PPARGC1A: variants seen among roughly 807,000 people sequenced by gnomAD.
The protein encoded by PPARGC1A is PPARG coactivator 1 alpha.
Under a neutral mutation model 88.7 loss-of-function variants are expected in PPARGC1A, and 25 were observed. The ratio of observed to expected loss-of-function variants is 0.28; its 90% CI spans 0.21 to 0.39. The LOEUF (loss-of-function observed/expected upper bound fraction) is 0.39, where lower values mean the gene tolerates loss of function less well. Ranked by LOEUF, PPARGC1A falls within the 10% of genes least tolerant of loss-of-function variation. The pLI is 1.00. For missense variants in PPARGC1A, 880 were observed against 968.7 expected (o/e 0.91, Z 1.22); for synonymous variants, 363 against 355.6 (o/e 1.02, Z -0.24).
At chr4:24,405,287 T>C in the PPARGC1A span, among the ~76,000 whole-genome samples, 3 of 152,148 alleles carry the variant, frequency 2.0e-5, no homozygotes, top group Non-Finnish European at 4.4e-5. Context: ...AAGGTGGTTT[T>C]TTTTTTCAAG....
the PPARGC1A span, among the ~76,000 whole-genome samples, chr4:24,440,942 A>G: frequency 6.6e-6 from 1 of 152,244 alleles, no homozygotes; most frequent in Non-Finnish European, 1.5e-5. Context: ...CTCATCACTG[A>G]TGCAGCATGT....
chr4:23,796,034 A>C, intron 12 of PPARGC1A, 109 bp from the exon 13 acceptor site: 1 of 766,864 alleles, frequency 1.3e-6, no homozygotes, highest in Non-Finnish European at 2.2e-6. Flanking sequence ...CAATCAATAT[A>C]CTTTAGAAAA....
chr4:24,229,940 A>C, the PPARGC1A span, among the ~76,000 whole-genome samples: 3 of 152,276 alleles, frequency 2.0e-5, no homozygotes, highest in South Asian at 6.2e-4. Flanking sequence ...TATAAGGGAC[A>C]ACATGGTCGC....
the PPARGC1A span, among the ~76,000 whole-genome samples, chr4:24,127,168 T>G: frequency 6.6e-6 from 1 of 152,170 alleles, no homozygotes; most frequent in Non-Finnish European, 1.5e-5. Flanking sequence ...TTTATCAACC[T>G]ACTTGGTTTT....
the PPARGC1A span, among the ~76,000 whole-genome samples, chr4:24,124,366 T>G: frequency 6.6e-6 from 1 of 152,214 alleles, no homozygotes; most frequent in Non-Finnish European, 1.5e-5. Context: ...AAATACCTAC[T>G]TGCCAGTTAT....
chr4:24,101,535 C>G, the PPARGC1A span, among the ~76,000 whole-genome samples: 8,810 of 152,254 alleles, frequency 0.058, 741 homozygotes, highest in African/African-American at 0.18. Context: ...AATTACCCTG[C>G]TTTTATCTTT....
the PPARGC1A span, among the ~76,000 whole-genome samples, chr4:24,357,117 G>A: frequency 8.5e-5 from 13 of 152,200 alleles, no homozygotes; most frequent in South Asian, 8.3e-4. Flanking sequence ...CAGCCTGAGC[G>A]TTCAGGTGCC....
chr4:23,824,689 G>A lies in PPARGC1A; in HGVS notation c.758-181C>T, dbSNP rs574545498. Among the ~76,000 whole-genome samples, 8 of 152,122 alleles carry A rather than the reference G, an allele frequency of 5.3e-5. 1 individual carries two copies. In the South Asian group the frequency reaches 1.4e-3, roughly 28 times the overall value. On this transcript the variant is annotated intron_variant, in intron 5 of 12. Transcript: ENST00000264867. ...TATGCTAAAACAAATTCCAAACAGC[G>A]TTTGCATCAGTAAACTACCATTCGA...
chr4:23,912,449 C>T, the PPARGC1A span, among the ~76,000 whole-genome samples: 5 of 152,120 alleles, frequency 3.3e-5, no homozygotes, highest in East Asian at 1.9e-4. Flanking sequence ...CAATTTGGCT[C>T]GGCTATGGTG....
chr4:24,161,600 C>G, the PPARGC1A span, among the ~76,000 whole-genome samples: 31,645 of 152,054 alleles, frequency 0.21, 5,712 homozygotes, highest in African/African-American at 0.49. Context: ...GGGAATGGAG[C>G]CTGGGCCGGC....
At chr4:24,084,060 ATCAGTGGGTAACCAG>A in the PPARGC1A span, among the ~76,000 whole-genome samples, 1 of 152,206 alleles carries the variant, frequency 6.6e-6, no homozygotes, top group African/African-American at 2.4e-5. Flanking sequence ...CACACAGCTG[ATCAGTGGGTAACCAG>A]CCTGGTTGTT....
the PPARGC1A span, among the ~76,000 whole-genome samples, chr4:24,086,045 T>C: frequency 6.6e-6 from 1 of 152,160 alleles, no homozygotes; most frequent in African/African-American, 2.4e-5. Flanking sequence ...GTTCCTGAAA[T>C]TACTGTCATT....
chr4:23,817,495 C>T (rs1445048768), intron 7 of PPARGC1A, among the ~76,000 whole-genome samples: 1 of 152,086 alleles, frequency 6.6e-6, no homozygotes, highest in Admixed American at 6.6e-5. Context: ...TAGAAAAGCG[C>T]TTCTTTAAAA....
chr4:23,963,772 G>C, the PPARGC1A span, among the ~76,000 whole-genome samples: 2 of 152,202 alleles, frequency 1.3e-5, no homozygotes, highest in Non-Finnish European at 2.9e-5. Context: ...TTTCCTGGTT[G>C]TCCTGCAGTA....
intron 1 of PPARGC1A, among the ~76,000 whole-genome samples, chr4:23,897,497 A>C (rs1718734305): frequency 6.6e-6 from 1 of 152,228 alleles, no homozygotes; most frequent in South Asian, 2.1e-4. Flanking sequence ...AATTAAATCA[A>C]AGATCTCTGC....
At chr4:23,994,969 C>T in the PPARGC1A span, among the ~76,000 whole-genome samples, 30 of 152,260 alleles carry the variant, frequency 2.0e-4, no homozygotes, top group African/African-American at 6.5e-4. Flanking sequence ...GCAAAAGGAA[C>T]ACATTTACGA....
the PPARGC1A span, among the ~76,000 whole-genome samples, chr4:24,184,272 G>C: frequency 1.3e-5 from 2 of 152,118 alleles, no homozygotes; most frequent in Middle Eastern, 3.2e-3. Context: ...GACTTCTTAA[G>C]GAAAATATGT....
chr4:24,083,685 T>C, the PPARGC1A span, among the ~76,000 whole-genome samples: 1 of 152,162 alleles, frequency 6.6e-6, no homozygotes, highest in Non-Finnish European at 1.5e-5. Context: ...TGTTGAACCA[T>C]GAAGCCATTC....
At chr4:24,038,946 T>C in the PPARGC1A span, among the ~76,000 whole-genome samples, 1 of 151,936 alleles carries the variant, frequency 6.6e-6, no homozygotes. Context: ...ACCACAGAGG[T>C]TTACAAGCTA....
Sources: gnomAD v4.1 joint callset for allele counts (sites outside exome capture counted in the v4.1 genomes callset) on GRCh38, gnomAD v4.1.1 for gene constraint, MANE v1.5 for transcripts, NCBI Gene and HGNC (gene_info 2026-07-23, HGNC 2026-07-21) for gene names.